Variants in TRERF1 observed in about 807,000 individuals in gnomAD.
TRERF1 encodes the protein transcriptional regulating factor 1.
A neutral mutation model predicts 122.9 loss-of-function variants in TRERF1; 27 were observed. That is an observed-to-expected ratio of 0.22 (90% CI 0.16 to 0.30). The LOEUF (loss-of-function observed/expected upper bound fraction) is 0.30. TRERF1 is among the 10% of genes least tolerant of loss of function. The probability of loss-of-function intolerance (pLI) is 1.00; values close to 1 mark genes in which losing one functional copy is unlikely to be tolerated. For synonymous variants in TRERF1, 636 were observed against 641.7 expected (o/e 0.99, Z 0.13); for missense variants, 1,248 against 1,560.3 (o/e 0.80, Z 3.37).
At chr6:42,450,562 A>G (rs1207175592) in intron 2 of TRERF1, among the ~76,000 whole-genome samples, 3 of 152,248 alleles carry the variant, frequency 2.0e-5, no homozygotes, top group African/African-American at 7.2e-5. Flanking sequence ...TAAGGATGGC[A>G]GGCGCACATG....
chr6:42,357,046 G>A (rs1770699693), intron 3 of TRERF1, among the ~76,000 whole-genome samples: 1 of 152,032 alleles, frequency 6.6e-6, no homozygotes, highest in South Asian at 2.1e-4. Context: ...AAGACCCAAT[G>A]TTGGCTGGGT....
intron 2 of TRERF1, among the ~76,000 whole-genome samples, chr6:42,413,259 T>C (rs756811164): frequency 1.1e-4 from 16 of 152,160 alleles, no homozygotes; most frequent in Non-Finnish European, 1.5e-4. Context: ...CAATACTGGA[T>C]ACTTGGGTAC....
At chr6:42,287,125 C>T (rs1032082668) in intron 4 of TRERF1, among the ~76,000 whole-genome samples, 4 of 128,936 alleles carry the variant, frequency 3.1e-5, no homozygotes, top group Non-Finnish European at 6.3e-5. Context: ...GGGAATATCA[C>T]ACTCTGGGGA....
At chr6:42,267,397 A>G (rs6940365) in intron 5 of TRERF1, among the ~76,000 whole-genome samples, 15,939 of 152,194 alleles carry the variant, frequency 0.1, 1,984 homozygotes, top group African/African-American at 0.3. Flanking sequence ...TTGGGAAGGT[A>G]AGGCAGGCGC....
chr6:42,278,552 G>A (rs1439969740), intron 4 of TRERF1, among the ~76,000 whole-genome samples: 1 of 152,164 alleles, frequency 6.6e-6, no homozygotes, highest in Non-Finnish European at 1.5e-5. Flanking sequence ...GGTGCAACAG[G>A]CTCTGAGTGG....
In TRERF1 at chr6:42,228,663, G is replaced by A. The variant is rs1473806029; in HGVS notation, c.3285C>T (p.Phe1095=). ...GTGCATTTCGGCTTTTGATCTTGAA[G>A]AAGACTCTAAAAATAAAGAAAGAGA... Residue 1095 remains phenylalanine, a synonymous_variant, in exon 18 of 18, where the codon TTC becomes TTT. Coordinates refer to ENST00000372922, the Ensembl canonical transcript of TRERF1. This position sits in a 1 kb window ranked among gnomAD's most constrained non-coding sequence, Gnocchi z 4.2. 6.3e-7 allele frequency: 1 copy of A among 1,593,250 alleles called. No individual in the cohort carries two copies. The highest frequency in any genetic ancestry group is 1.8e-5 in the Admixed American group (1 of 54,996).
At chr6:42,234,560 C>A (rs1432715002) in intron 16 of TRERF1, among the ~76,000 whole-genome samples, 1 of 152,060 alleles carries the variant, frequency 6.6e-6, no homozygotes, top group East Asian at 1.9e-4. Context: ...CCAGGATGGT[C>A]TTGATCTCTT....
intron 4 of TRERF1, among the ~76,000 whole-genome samples, chr6:42,298,431 C>T (rs1473851128): frequency 2.0e-5 from 3 of 151,426 alleles, no homozygotes; most frequent in Admixed American, 2.0e-4. Flanking sequence ...GCTGGGATTA[C>T]AGGTATGAGC....
intron 3 of TRERF1, among the ~76,000 whole-genome samples, chr6:42,328,375 C>A (rs1009855440): frequency 1.3e-5 from 2 of 152,020 alleles, no homozygotes; most frequent in Admixed American, 6.5e-5. Context: ...CTCAGGAGTA[C>A]CTCTGCAGGT....
intron 3 of TRERF1, among the ~76,000 whole-genome samples, chr6:42,352,250 T>C (rs260226): frequency 0.15 from 22,814 of 152,148 alleles, 3,192 homozygotes; most frequent in East Asian, 0.47. Flanking sequence ...TAGCCTCGAC[T>C]TGCCAAAGTG....
chr6:42,373,784 T>C (rs1774241042), intron 2 of TRERF1, among the ~76,000 whole-genome samples: 1 of 148,774 alleles, frequency 6.7e-6, no homozygotes, highest in Admixed American at 6.7e-5. Flanking sequence ...TGAGCCAAGA[T>C]TGCACCATTG....
intron 2 of TRERF1, among the ~76,000 whole-genome samples, chr6:42,425,558 TTTTGA>T: frequency 7.4e-6 from 1 of 135,976 alleles, no homozygotes; most frequent in Non-Finnish European, 1.6e-5. Flanking sequence ...TTTTTTTTTT[TTTTGA>T]GATGGAGTCT....
intron 3 of TRERF1, among the ~76,000 whole-genome samples, chr6:42,341,292 T>A (rs1455346793): frequency 6.6e-6 from 1 of 152,212 alleles, no homozygotes. Context: ...CTGTAAGAAG[T>A]TTCTGGCCCA....
At chr6:42,284,317 T>C (rs1266249798) in intron 4 of TRERF1, among the ~76,000 whole-genome samples, 1 of 151,724 alleles carries the variant, frequency 6.6e-6, no homozygotes, top group African/African-American at 2.4e-5. Context: ...CCTCATGCCT[T>C]GGCCTCCCAA....
At chr6:42,309,674 C>A (rs1457769171) in intron 3 of TRERF1, among the ~76,000 whole-genome samples, 1 of 152,178 alleles carries the variant, frequency 6.6e-6, no homozygotes, top group East Asian at 1.9e-4. Flanking sequence ...GTGTGAGCAG[C>A]ACTGGCCTTT....
At position 42,263,477 on chromosome 6, in the gene TRERF1, G is replaced by A. The variant is rs1778607834; in HGVS notation, c.1727C>T (p.Ala576Val). 6.3e-7 allele frequency: 1 copy of A among 1,590,486 alleles called. No individual in the cohort carries two copies. Among genetic ancestry groups the A allele is most frequent in the Non-Finnish European group, 8.6e-7 (1 of 1,165,506 alleles). Residue 576 changes from alanine to valine, a missense_variant, in exon 8 of 18, where the codon GCA (alanine) becomes GTA (valine). Physicochemically the swap from Ala to Val is moderately conservative, Grantham distance 64. Transcript: ENST00000372922. This position sits in a 1 kb window ranked among gnomAD's most constrained non-coding sequence, Gnocchi z 5.6. Reference sequence around the variant, plus strand: ...CATGACCATAGGCGTGAGGCTTTCTGCCTCGGGAGGGAGCTGTGGTGGCGG... The same window carrying A: ...CATGACCATAGGCGTGAGGCTTTCTACCTCGGGAGGGAGCTGTGGTGGCGG...
At chr6:42,397,407 T>C (rs1042304505) in intron 2 of TRERF1, among the ~76,000 whole-genome samples, 4 of 152,200 alleles carry the variant, frequency 2.6e-5, no homozygotes, top group African/African-American at 9.7e-5. Context: ...CTGATTAATA[T>C]TGATTAAGAT....
chr6:42,418,577 T>C (rs1002318646), intron 2 of TRERF1, among the ~76,000 whole-genome samples: 6 of 151,996 alleles, frequency 3.9e-5, no homozygotes, highest in Non-Finnish European at 8.8e-5. Flanking sequence ...GGCCCTGCGT[T>C]TATTTCTAAA....
At chr6:42,295,440 G>C (rs1281302031) in intron 4 of TRERF1, among the ~76,000 whole-genome samples, 2 of 152,180 alleles carry the variant, frequency 1.3e-5, no homozygotes, top group East Asian at 3.8e-4. Context: ...ACTTCTGAGG[G>C]CTTTTGATAA....
Sources: allele counts gnomAD v4.1 joint callset (sites outside exome capture counted in the v4.1 genomes callset), GRCh38; gene constraint gnomAD v4.1.1; non-coding constraint Gnocchi (gnomAD v3.1); transcripts MANE v1.5; gene names NCBI Gene and HGNC (gene_info 2026-07-23, HGNC 2026-07-21).